Variants in CACNA1A observed in about 807,000 individuals in gnomAD.
The protein encoded by CACNA1A is voltage-dependent P/Q-type calcium channel subunit alpha-1A.
CACNA1A carries 57 observed loss-of-function variants against 262.4 expected under a neutral mutation model. The ratio of observed to expected loss-of-function variants is 0.22; its 90% CI spans 0.18 to 0.27. The LOEUF is 0.27. CACNA1A is among the 10% of genes least tolerant of loss of function. The probability of loss-of-function intolerance (pLI) is 1.00; values close to 1 mark genes in which losing one functional copy is unlikely to be tolerated. For missense variants in CACNA1A, 2,526 were observed against 3,562.8 expected (o/e 0.71, Z 7.41); for synonymous variants, 1,431 against 1,419.3 (o/e 1.01, Z -0.18).
intron 33 of CACNA1A, 21 bp from the exon 34 acceptor site, chr19:13,235,057 G>T (rs372916826): frequency 9.5e-6 from 15 of 1,579,962 alleles, no homozygotes; most frequent in South Asian, 1.1e-5. Context: ...GGAGGGTGAC[G>T]ACCAGGGGCT....
chr19:13,346,843 C>A (rs1345629986), intron 6 of CACNA1A, among the ~76,000 whole-genome samples: 2 of 148,900 alleles, frequency 1.3e-5, no homozygotes, highest in African/African-American at 4.9e-5. Flanking sequence ...CCATGCCCAG[C>A]TAATTTTTTG....
intron 6 of CACNA1A, among the ~76,000 whole-genome samples, chr19:13,339,485 T>C (rs768108725): frequency 3.3e-5 from 5 of 152,156 alleles, no homozygotes; most frequent in Admixed American, 2.0e-4. Flanking sequence ...TGTATTATAC[T>C]TAATTTCACG....
At chr19:13,411,452 A>G (rs1260937471) in intron 3 of CACNA1A, among the ~76,000 whole-genome samples, 1 of 152,140 alleles carries the variant, frequency 6.6e-6, no homozygotes, top group East Asian at 1.9e-4. Flanking sequence ...GGTTTTATAA[A>G]TGGCACAAGC....
chr19:13,281,187 C>T (rs761985798), intron 22 of CACNA1A, among the ~76,000 whole-genome samples: 1 of 151,504 alleles, frequency 6.6e-6, no homozygotes, highest in Non-Finnish European at 1.5e-5. Context: ...TCGAGACCAG[C>T]CTGGCAACAT....
chr19:13,209,556 G>A (rs774048692), intron 44 of CACNA1A, 58 bp from the exon 45 acceptor site: 20 of 1,220,294 alleles, frequency 1.6e-5, no homozygotes, highest in Non-Finnish European at 2.0e-5. Flanking sequence ...AGTGGTCCCG[G>A]TCCTTCCTGC....
At chr19:13,463,863 T>A (rs866414673) in intron 1 of CACNA1A, among the ~76,000 whole-genome samples, 1 of 151,768 alleles carries the variant, frequency 6.6e-6, no homozygotes, top group Non-Finnish European at 1.5e-5. Flanking sequence ...TGCAGAGGAG[T>A]TGAAAGGATT....
chr19:13,395,056 T>C (rs1451078224), intron 3 of CACNA1A, among the ~76,000 whole-genome samples: 1 of 151,948 alleles, frequency 6.6e-6, no homozygotes, highest in Non-Finnish European at 1.5e-5. Flanking sequence ...GGTGGATCAC[T>C]TGAGGTCAGG....
chr19:13,267,950 C>T (rs550002727), intron 24 of CACNA1A, among the ~76,000 whole-genome samples: 6 of 151,844 alleles, frequency 4.0e-5, no homozygotes, highest in South Asian at 2.1e-4. Flanking sequence ...TTTGTAGAGA[C>T]GGGGGTCTCA....
At chr19:13,267,332 C>T (rs2056887852) in intron 24 of CACNA1A, among the ~76,000 whole-genome samples, 1 of 152,190 alleles carries the variant, frequency 6.6e-6, no homozygotes, top group African/African-American at 2.4e-5. Context: ...GCCTCAGGCT[C>T]ATGGCGCTGG....
chr19:13,283,368 T>C lies in CACNA1A; in HGVS notation c.3721A>G (p.Asn1241Asp). 1 of 1,613,938 alleles carries C rather than the reference T, an allele frequency of 6.2e-7. No homozygotes were observed. The highest frequency in any genetic ancestry group is 1.1e-5 in the South Asian group (1 of 91,078). ...PLRRLCHYIL[N>D]LRYFEMCILM... is the part of the protein sequence containing the mutation. ...ATGCACATCTCAAAGTAGCGCAGGT[T>C]CAGGATGTAATGGCACAGGCGGCGA... Residue 1241 changes from asparagine (N) to aspartate (D), a missense_variant, in exon 22 of 47, where the codon AAC becomes GAC. By Grantham distance (23) the Asn-to-Asp change is conservative. Around this residue, in one of 17 missense-constraint regions of CACNA1A, gnomAD observed 765 missense variants for 748.6 expected, o/e 1.02. Coordinates refer to ENST00000360228, the MANE Select transcript of CACNA1A (RefSeq NM_001127222.2).
chr19:13,269,366 G>T (rs1356514950), intron 24 of CACNA1A, among the ~76,000 whole-genome samples: 1 of 152,226 alleles, frequency 6.6e-6, no homozygotes, highest in East Asian at 1.9e-4. Flanking sequence ...TGGGAAGACA[G>T]ACTAAGATTC....
At chr19:13,495,041 T>C (rs1981332783) in intron 1 of CACNA1A, among the ~76,000 whole-genome samples, 1 of 152,156 alleles carries the variant, frequency 6.6e-6, no homozygotes, top group South Asian at 2.1e-4. Context: ...CACCACCACA[T>C]GCTATCCTAT....
rs533671161 is a variant in CACNA1A, at chr19:13,392,005, TG to T, written c.540-20227del. The stretch of plus-strand genomic sequence containing the variant: ...TGAGCTGTGATCATGCTACTGCACT[TG>T]GTTGACAGGGTGAGACCATGTCTCA... On this transcript the variant is annotated intron_variant, in intron 3 of 46. Coordinates refer to ENST00000360228, the MANE Select transcript of CACNA1A (RefSeq NM_001127222.2). Among the ~76,000 whole-genome samples, 794 of 140,572 alleles carry T rather than the reference TG, an allele frequency of 5.6e-3. 8 individuals are homozygous for T. The highest frequency in any genetic ancestry group is 0.02 in the African/African-American group (732 of 37,406). The allele number at this position is 140,572 out of a possible 152,430, so 92.2% of individuals were successfully genotyped here.
intron 21 of CACNA1A, 125 bp downstream of exon 21, chr19:13,284,943 T>G: frequency 1.2e-6 from 1 of 851,304 alleles, no homozygotes; most frequent in Non-Finnish European, 1.9e-6. Flanking sequence ...CATTTTCAAC[T>G]TGTTCAAAGG....
intron 3 of CACNA1A, among the ~76,000 whole-genome samples, chr19:13,397,050 GT>G (rs1318202522): frequency 6.6e-6 from 1 of 152,112 alleles, no homozygotes; most frequent in Non-Finnish European, 1.5e-5. Context: ...TCTTTAAGGA[GT>G]CTCTTCATGG....
At chr19:13,229,921 AG>A (rs1048710248) in intron 36 of CACNA1A, 160 bp downstream of exon 36, 1 of 774,406 alleles carries the variant, frequency 1.3e-6, no homozygotes, top group African/African-American at 1.7e-5. Flanking sequence ...GGGGTATGCA[AG>A]GGTGATGATT....
chr19:13,309,692 CAAATAAAATAAA>C (rs2057977953), intron 12 of CACNA1A, among the ~76,000 whole-genome samples: 1 of 151,490 alleles, frequency 6.6e-6, no homozygotes, highest in Non-Finnish European at 1.5e-5. Flanking sequence ...GACCCTATCT[CAAATAAAATAAA>C]AAATAAAATA....
At chr19:13,263,089 G>C in intron 24 of CACNA1A, 1 of 487,712 alleles carries the variant, frequency 2.1e-6, no homozygotes, top group East Asian at 3.9e-5. Flanking sequence ...ATCTGGCTGG[G>C]CCTGAGCAGC....
At chr19:13,247,699 AAAATAAATAAATAAAAATAAATAAAT>A (rs1394401419) in intron 30 of CACNA1A, among the ~76,000 whole-genome samples, 1 of 133,552 alleles carries the variant, frequency 7.5e-6, no homozygotes, top group Non-Finnish European at 1.6e-5. Flanking sequence ...GACTCCGTCA[AAAATAAATAAATAAAAATAAATAAAT>A]AAATAAATAA....
Sources: allele counts gnomAD v4.1 joint callset (sites outside exome capture counted in the v4.1 genomes callset), GRCh38; gene constraint gnomAD v4.1.1; regional missense constraint gnomAD v4.1.1; transcripts MANE v1.5; gene names NCBI Gene and HGNC (gene_info 2026-07-23, HGNC 2026-07-21).